ST18: variants seen among roughly 807,000 people sequenced by gnomAD.
ST18 encodes the protein ST18 C2H2C-type zinc finger transcription factor, also known as suppression of tumorigenicity 18 protein.
In ST18, 50 loss-of-function variants were observed where a neutral mutation model predicts 110.0. The ratio of observed to expected loss-of-function variants is 0.45; its 90% CI spans 0.36 to 0.58. The LOEUF is 0.58. ST18 is among the 20% of genes least tolerant of loss of function. The pLI is 0.00. For synonymous variants in ST18, 461 were observed against 452.4 expected (o/e 1.02, Z -0.24); for missense variants, 1,306 against 1,280.1 (o/e 1.02, Z -0.31).
chr8:52,370,216 CTAA>C (rs1200583152), intron 2 of ST18, among the ~76,000 whole-genome samples: 1 of 152,180 alleles, frequency 6.6e-6, no homozygotes, highest in Non-Finnish European at 1.5e-5. Context: ...GGTCTAGCGT[CTAA>C]TAAGGGACTT....
chr8:52,155,661 A>G (rs2059836673), intron 15 of ST18, among the ~76,000 whole-genome samples: 2 of 152,338 alleles, frequency 1.3e-5, no homozygotes, highest in Non-Finnish European at 2.9e-5. Context: ...TGGAATGTCC[A>G]TATCATCCTT....
chr8:52,217,492 G>A (rs1317877742), intron 6 of ST18, among the ~76,000 whole-genome samples: 2 of 152,100 alleles, frequency 1.3e-5, no homozygotes, highest in African/African-American at 4.8e-5. Context: ...ATAATGCCAT[G>A]AAAAAAACTT....
chr8:52,172,643 G>A (rs997546014), intron 9 of ST18, 60 bp from the exon 10 acceptor site: 16 of 1,378,098 alleles, frequency 1.2e-5, no homozygotes, highest in Admixed American at 5.5e-5. Flanking sequence ...TAGGAAAATT[G>A]CAACAAGTTA....
chr8:52,180,697 A>G (rs1017173406), intron 8 of ST18, among the ~76,000 whole-genome samples: 11 of 152,202 alleles, frequency 7.2e-5, no homozygotes, highest in Non-Finnish European at 1.5e-4. Flanking sequence ...GTATGGATAA[A>G]TCACAAGATT....
At chr8:52,211,732 A>G (rs2082238716) in intron 8 of ST18, among the ~76,000 whole-genome samples, 1 of 152,190 alleles carries the variant, frequency 6.6e-6, no homozygotes, top group Non-Finnish European at 1.5e-5. Context: ...AGTCAGGTTC[A>G]TGGATAACAG....
intron 8 of ST18, chr8:52,199,597 C>T (rs1459270341): frequency 1.3e-5 from 2 of 152,064 alleles, no homozygotes; most frequent in Non-Finnish European, 2.9e-5. Context: ...GCATTTGGAT[C>T]GTGAACTATA....
At chr8:52,191,494 G>GC (rs1563968998) in intron 8 of ST18, among the ~76,000 whole-genome samples, 1 of 152,202 alleles carries the variant, frequency 6.6e-6, no homozygotes, top group African/African-American at 2.4e-5. Flanking sequence ...TGAGCAGGCA[G>GC]CCCAGACCTG....
chr8:52,266,478 G>T (rs2094873809), intron 2 of ST18, among the ~76,000 whole-genome samples: 1 of 151,912 alleles, frequency 6.6e-6, no homozygotes, highest in East Asian at 1.9e-4. Flanking sequence ...CACATGAAGA[G>T]AATGTATAGA....
intron 2 of ST18, among the ~76,000 whole-genome samples, chr8:52,287,588 C>T (rs372593580): frequency 2.3e-4 from 35 of 152,162 alleles, no homozygotes; most frequent in Admixed American, 7.8e-4. Flanking sequence ...GGGGAGATAC[C>T]GGTTGCCATG....
At chr8:52,206,152 C>T (rs2135719874) in intron 8 of ST18, among the ~76,000 whole-genome samples, 1 of 152,162 alleles carries the variant, frequency 6.6e-6, no homozygotes. Context: ...ACTTAACTTC[C>T]ATGAACTTAG....
At chr8:52,178,000 ATAGT>A (rs1490240072) in intron 9 of ST18, among the ~76,000 whole-genome samples, 6 of 152,222 alleles carry the variant, frequency 3.9e-5, no homozygotes, top group Non-Finnish European at 7.3e-5. Flanking sequence ...AAATATAAAC[ATAGT>A]TAGCCTATTT....
chr8:52,133,033 C>T lies in ST18; in HGVS notation c.2444+24G>A, dbSNP rs758484650. ...TTTACCAACAAGAGACAGCTGACCCCCATGTCTCAACTGTTGCACTTACTT... is the reference window on the plus strand; with the variant it reads ...TTTACCAACAAGAGACAGCTGACCCTCATGTCTCAACTGTTGCACTTACTT... On this transcript the variant is annotated intron_variant, in intron 21 of 25. Coordinates refer to ENST00000689386, the MANE Select transcript of ST18 (RefSeq NM_001352837.2). 3.1e-6 allele frequency: 5 copies of T among 1,611,824 alleles called. No individual in the cohort carries two copies. The East Asian group carries it at 1.1e-4, about 36-fold the overall frequency.
rs763371276 is a variant in ST18 at position 52,113,102 on chromosome 8, G to A, written c.*96C>T. The A allele has an allele frequency of 2.2e-5, 32 of 1,429,794 alleles. 1 individual carries two copies. Among genetic ancestry groups the A allele is most frequent in the South Asian group, 4.6e-5 (3 of 65,038 alleles). 88.6% of individuals were successfully genotyped at this position (1,429,794 alleles called of 1,614,324 possible). Reference sequence around the variant, plus strand: ...ATGTTGCAAATTGTAAATGCAGTACGGCAACCTCCACGCCTTAGCAGTACA... The same window carrying A: ...ATGTTGCAAATTGTAAATGCAGTACAGCAACCTCCACGCCTTAGCAGTACA... On this transcript the variant is annotated 3_prime_UTR_variant, in exon 26 of 26. Transcript: ENST00000689386.
intron 8 of ST18, among the ~76,000 whole-genome samples, chr8:52,192,542 C>T (rs907325372): frequency 6.6e-6 from 1 of 152,202 alleles, no homozygotes; most frequent in African/African-American, 2.4e-5. Flanking sequence ...AAAATGGCCT[C>T]ATGGAGGCAT....
intron 2 of ST18, among the ~76,000 whole-genome samples, chr8:52,251,112 A>G (rs2094279791): frequency 1.3e-5 from 2 of 152,170 alleles, no homozygotes; most frequent in South Asian, 4.1e-4. Flanking sequence ...TAATATTTTG[A>G]AGCACTCTGC....
chr8:52,267,156 A>T (rs1329360673), intron 2 of ST18, among the ~76,000 whole-genome samples: 1 of 152,048 alleles, frequency 6.6e-6, no homozygotes, highest in Admixed American at 6.5e-5. Flanking sequence ...AGTCACAGGT[A>T]TGACAGTGGG....
intron 2 of ST18, among the ~76,000 whole-genome samples, chr8:52,408,141 A>G (rs996440685): frequency 1.3e-5 from 2 of 152,216 alleles, no homozygotes; most frequent in African/African-American, 4.8e-5. Flanking sequence ...GAATAACATC[A>G]AACTAATTTA....
intron 2 of ST18, among the ~76,000 whole-genome samples, chr8:52,400,943 T>C (rs1842660238): frequency 6.6e-6 from 1 of 152,154 alleles, no homozygotes; most frequent in African/African-American, 2.4e-5. Context: ...GTTTTCATGA[T>C]AGTAATCATC....
intron 8 of ST18, among the ~76,000 whole-genome samples, chr8:52,200,021 A>C (rs1588295707): frequency 1.3e-5 from 2 of 152,198 alleles, no homozygotes; most frequent in East Asian, 3.9e-4. Context: ...AGCTTTCAAA[A>C]ACTATGAGTT....
Sources: allele counts gnomAD v4.1 joint callset (sites outside exome capture counted in the v4.1 genomes callset), GRCh38; gene constraint gnomAD v4.1.1; transcripts MANE v1.5; gene names NCBI Gene and HGNC (gene_info 2026-07-23, HGNC 2026-07-21).